Variants in ACAD10 observed in about 807,000 individuals in gnomAD.
The protein encoded by ACAD10 is ACAD-10.
A neutral mutation model predicts 116.8 loss-of-function variants in ACAD10; 112 were observed. The ratio of observed to expected loss-of-function variants is 0.96; its 90% CI spans 0.82 to 1.12. ACAD10 has a LOEUF of 1.12. ACAD10 is among the 50% of genes most tolerant of loss of function. ACAD10 has a pLI of 0.00. For missense variants in ACAD10, 1,259 were observed against 1,350.2 expected, an observed-to-expected ratio of 0.93 and a Z score of 1.06; for synonymous variants, 486 against 510.6, an observed-to-expected ratio of 0.95 and a Z score of 0.65.
Position 111,727,983 on chromosome 12 carries a change from T to C in ACAD10, c.1083T>C (p.Tyr361=). 6.2e-7 allele frequency: 1 copy of C among 1,611,608 alleles called. No homozygotes were observed. Among genetic ancestry groups the C allele is most frequent in the East Asian group, 2.2e-5 (1 of 44,872 alleles). ...CCAGTGTCATTGGCACCCCCTTCTA[T>C]GTGATGGAGTACTGCCCAGGTCTCA... ...EDSSVIGTPF[Y]VMEYCPGLIY... Residue 361 remains tyrosine, a synonymous_variant, in exon 9 of 21, where the codon TAT becomes TAC. Coordinates refer to ENST00000313698, the MANE Select transcript of ACAD10 (RefSeq NM_025247.6).
chr12:111,709,491 G>T, intron 4 of ACAD10, 35 bp from the exon 5 acceptor site: 2 of 1,491,420 alleles, frequency 1.3e-6, no homozygotes, highest in South Asian at 2.7e-5. Context: ...TCCACCTTTC[G>T]GGACATTCAT....
At chr12:111,688,152 A>G (rs1336309112) in intron 1 of ACAD10, 1 of 152,162 alleles carries the variant, frequency 6.6e-6, no homozygotes, top group East Asian at 1.9e-4. Context: ...GGCGTGAGCC[A>G]CCGCGCCCGG....
rs543949468 is a variant in ACAD10 at position 111,755,583 on chromosome 12, A to G, written c.2962-85A>G. ...ACACCCTGCTAGTTTTTGTATTTTT[A>G]GTAGAGATGGGGGACGGGGGGGCCT... On this transcript the variant is annotated intron_variant, in intron 19 of 20. Transcript: ENST00000313698. 9.3e-4 allele frequency: 873 copies of G among 935,120 alleles called. 3 individuals carry two copies. The highest frequency in any genetic ancestry group is 7.9e-4 in the Non-Finnish European group (462 of 583,886). The allele number at this position is 935,120 out of a possible 1,614,324, so 57.9% of individuals were successfully genotyped here.
chr12:111,695,256 C>T (rs1028507702), intron 2 of ACAD10, among the ~76,000 whole-genome samples: 1 of 152,160 alleles, frequency 6.6e-6, no homozygotes, highest in Non-Finnish European at 1.5e-5. Context: ...TCCTCCCTGC[C>T]TCCTCTGCCT....
intron 12 of ACAD10, among the ~76,000 whole-genome samples, chr12:111,743,322 G>A (rs928524421): frequency 2.3e-4 from 35 of 151,750 alleles, no homozygotes; most frequent in African/African-American, 8.2e-4. Context: ...GGCAGGGGTT[G>A]AGTACAAAAG....
chr12:111,710,388 T>G (rs1421762555), intron 5 of ACAD10: 1 of 383,384 alleles, frequency 2.6e-6, no homozygotes, highest in Non-Finnish European at 5.3e-6. Flanking sequence ...ATGCCTGGCT[T>G]CTATTCTTCT....
chr12:111,720,675 T>G (rs1217534742), intron 7 of ACAD10, among the ~76,000 whole-genome samples: 1 of 152,210 alleles, frequency 6.6e-6, no homozygotes, highest in African/African-American at 2.4e-5. Flanking sequence ...CCTATCTATG[T>G]TTATATATTC....
intron 17 of ACAD10, 128 bp downstream of exon 17, chr12:111,748,603 C>A: frequency 9.9e-7 from 1 of 1,005,450 alleles, no homozygotes; most frequent in Non-Finnish European, 1.5e-6. Flanking sequence ...CATTTGGAGT[C>A]ACATGCTCCT....
chr12:111,735,050 C>T (rs1216759196), intron 11 of ACAD10, among the ~76,000 whole-genome samples: 3 of 151,836 alleles, frequency 2.0e-5, no homozygotes, highest in East Asian at 1.9e-4. Flanking sequence ...GGTGAAACCC[C>T]GTCTCTACTA....
At chr12:111,700,308 A>C (rs1294165120) in intron 2 of ACAD10, among the ~76,000 whole-genome samples, 1 of 152,276 alleles carries the variant, frequency 6.6e-6, no homozygotes, top group Non-Finnish European at 1.5e-5. Flanking sequence ...TAATTGATGT[A>C]ATAAACACCT....
At chr12:111,724,686 C>G (rs549125589) in intron 8 of ACAD10, among the ~76,000 whole-genome samples, 3 of 150,898 alleles carry the variant, frequency 2.0e-5, no homozygotes, top group Non-Finnish European at 3.0e-5. Context: ...TGCAGGCACT[C>G]GGCAGGCTGA....
chr12:111,743,904 G>C (rs1889817144), intron 12 of ACAD10, among the ~76,000 whole-genome samples: 1 of 151,810 alleles, frequency 6.6e-6, no homozygotes, highest in Admixed American at 6.6e-5. Flanking sequence ...ACACCACCAT[G>C]CCTGGCTAAT....
intron 8 of ACAD10, among the ~76,000 whole-genome samples, chr12:111,726,245 C>A (rs1889210604): frequency 6.6e-6 from 1 of 152,024 alleles, no homozygotes; most frequent in African/African-American, 2.4e-5. Context: ...TAGAGTGAGA[C>A]TCCATCTCAA....
chr12:111,756,415 G>T lies in ACAD10; in HGVS notation c.3122G>T (p.Gly1041Val). 1.2e-6 allele frequency: 2 copies of T among 1,612,642 alleles called. No individual in the cohort carries two copies. ...TWARALRFADGPDEVHRATVA... is the reference protein window; with the variant it reads ...TWARALRFADVPDEVHRATVA... ...GCCCGAGCCCTGCGCTTTGCCGACGGCCCTGACGAGGTGCACCGGGCCACG... is the reference window on the plus strand; with the variant it reads ...GCCCGAGCCCTGCGCTTTGCCGACGTCCCTGACGAGGTGCACCGGGCCACG... Residue 1041 changes from glycine (G) to valine (V), a missense_variant, in exon 21 of 21, where the codon GGC (glycine) becomes GTC (valine). Physicochemically the swap from Gly to Val is moderately radical, Grantham distance 109 (BLOSUM62 -3). Transcript: ENST00000313698.
In ACAD10 at chr12:111,709,578, A is replaced by G; in HGVS notation, c.584A>G (p.Lys195Arg). ...TGTAAGCCAGACCCTAGGATCTACA[A>G]GCTGTGCTTGGAGCAGCTCGGCCTG... The part of the protein sequence containing the change: ...GICKPDPRIY[K>R]LCLEQLGLQP... Residue 195 changes from lysine (K) to arginine (R), a missense_variant, in exon 5 of 21, where the codon AAG (lysine) becomes AGG (arginine). Transcript: ENST00000313698. The G allele has an allele frequency of 6.2e-7, 1 of 1,613,602 alleles. No homozygotes were observed. Among genetic ancestry groups the G allele is most frequent in the Non-Finnish European group, 8.5e-7 (1 of 1,179,796 alleles).
chr12:111,744,772 C>G lies in ACAD10; in HGVS notation c.1844C>G (p.Thr615Arg). 3 of 1,614,220 alleles carry G rather than the reference C, an allele frequency of 1.9e-6. No homozygotes were observed. The highest frequency in any genetic ancestry group is 2.5e-6 in the Non-Finnish European group (3 of 1,180,040). ...FKEMPFTNPLTRSYHTWARPQ... is the reference protein window; with the variant it reads ...FKEMPFTNPLRRSYHTWARPQ... Reference sequence around the variant, plus strand: ...GAGATGCCCTTCACAAATCCGTTAACAAGGTCCTACCACACGTGGGCCAGG... The same window carrying G: ...GAGATGCCCTTCACAAATCCGTTAAGAAGGTCCTACCACACGTGGGCCAGG... Residue 615 changes from threonine (T) to arginine (R), a missense_variant, in exon 13 of 21, where the codon ACA becomes AGA. Thr to Arg is a moderately conservative substitution (Grantham distance 71, BLOSUM62 -1). Coordinates refer to ENST00000313698, the MANE Select transcript of ACAD10 (RefSeq NM_025247.6).
chr12:111,735,803 GA>G (rs1889537248), intron 11 of ACAD10, among the ~76,000 whole-genome samples: 1 of 151,888 alleles, frequency 6.6e-6, no homozygotes, highest in South Asian at 2.1e-4. Flanking sequence ...AATTTGGTGA[GA>G]TCTTTTTATT....
At chr12:111,746,774 G>C (rs571197528) in intron 14 of ACAD10, among the ~76,000 whole-genome samples, 1 of 152,296 alleles carries the variant, frequency 6.6e-6, no homozygotes, top group Non-Finnish European at 1.5e-5. Flanking sequence ...CCGAAGTGTG[G>C]GGGATCACTT....
intron 12 of ACAD10, among the ~76,000 whole-genome samples, chr12:111,738,433 T>C (rs1889637637): frequency 7.7e-6 from 1 of 129,088 alleles, no homozygotes; most frequent in Non-Finnish European, 1.6e-5. Context: ...GCGACAAGAA[T>C]GAGACTCTGT....
Sources: allele counts gnomAD v4.1 joint callset (sites outside exome capture counted in the v4.1 genomes callset), GRCh38; gene constraint gnomAD v4.1.1; transcripts MANE v1.5; gene names NCBI Gene and HGNC (gene_info 2026-07-23, HGNC 2026-07-21).